The following NLGN4Y variants were observed in gnomAD, a reference collection of about 807,000 sequenced individuals.
NLGN4Y encodes the protein neuroligin 4 Y-linked.
Under a neutral mutation model 8.4 loss-of-function variants are expected in NLGN4Y, and 4 were observed. The ratio of observed to expected loss-of-function variants is 0.48; its 90% CI spans 0.23 to 1.09. The LOEUF (loss-of-function observed/expected upper bound fraction) is 1.09. Ranked by LOEUF, NLGN4Y falls within the 50% of genes least tolerant of loss-of-function variation. NLGN4Y has a pLI of 0.19. For synonymous variants in NLGN4Y, 35 were observed against 75.6 expected, an observed-to-expected ratio of 0.46 and a Z score of 2.78; for missense variants, 90 against 192.3, an observed-to-expected ratio of 0.47 and a Z score of 3.15.
chrY:14,722,163 T>C, intron 3 of NLGN4Y, among the ~76,000 whole-genome samples: 1 of 33,407 alleles, frequency 3.0e-5, no homozygotes, highest in Non-Finnish European at 7.4e-5. Flanking sequence ...CTATAATCAC[T>C]GGAACAAAGA....
intron 4 of NLGN4Y, among the ~76,000 whole-genome samples, chrY:14,809,483 AAAAAC>A: frequency 3.0e-5 from 1 of 33,552 alleles, no homozygotes; most frequent in African/African-American, 1.2e-4. Flanking sequence ...ACAAAAAACA[AAAAAC>A]AAAACAAAAC....
intron 4 of NLGN4Y, among the ~76,000 whole-genome samples, chrY:14,808,712 A>G (rs759624777): frequency 2.9e-5 from 1 of 34,095 alleles, no homozygotes; most frequent in African/African-American, 1.1e-4. Context: ...TTCAGGTCAC[A>G]CTGACCTTTC....
intron 1 of NLGN4Y, among the ~76,000 whole-genome samples, chrY:14,586,670 A>T: frequency 3.1e-5 from 1 of 31,972 alleles, no homozygotes; most frequent in African/African-American, 1.2e-4. Context: ...TCTACTAAAA[A>T]CACAAAAATT....
At chrY:14,706,789 TA>T (rs2080879613) in intron 2 of NLGN4Y, among the ~76,000 whole-genome samples, 26 of 17,419 alleles carry the variant, frequency 1.5e-3, no homozygotes, top group Middle Eastern at 0.04. Context: ...TAATCTCATT[TA>T]AAAAAAAATA....
intron 2 of NLGN4Y, among the ~76,000 whole-genome samples, chrY:14,637,307 A>G (rs2080568062): frequency 3.0e-5 from 1 of 33,651 alleles, no homozygotes; most frequent in Non-Finnish European, 7.3e-5. Context: ...TTTGAATGTT[A>G]CCTTCCTCTT....
intron 1 of NLGN4Y, among the ~76,000 whole-genome samples, chrY:14,602,997 TG>T (rs2080433423): frequency 6.0e-5 from 2 of 33,506 alleles, no homozygotes; most frequent in South Asian, 1.3e-3. Flanking sequence ...CATGTTTACC[TG>T]TGTAACAAAC....
chrY:14,723,105 C>CT lies in NLGN4Y; in HGVS notation c.533-5dup, dbSNP rs778841513. ...TTCTTTACTGCGTTTCCTTACTTGG[C>CT]TTTTTTTCCAGATATTCATGAACAG... On this transcript the variant is annotated splice_polypyrimidine_tract_variant and intron_variant, in intron 3 of 6. Transcript: ENST00000684976. 36 of 394,713 alleles carry CT rather than the reference C, an allele frequency of 9.1e-5. No homozygotes were observed. Among genetic ancestry groups the CT allele is most frequent in the Non-Finnish European group, 1.2e-4 (35 of 281,237 alleles).
rs2081133879 is a variant in NLGN4Y at position 14,778,075 on chromosome Y, ATAAC to A, written c.686-46110_686-46107del. ...AATAAATAAATAAATAAATAAATAA[ATAAC>A]TATGTATGTTCTTTCCAGCTTTTCA... On this transcript the variant is annotated intron_variant, in intron 4 of 6. Transcript: ENST00000684976. 1.3e-4 allele frequency among the ~76,000 whole-genome samples: 4 copies of A among 30,893 alleles called. No homozygotes were observed. The South Asian group carries it at 2.2e-3, about 17-fold the overall frequency. The allele number at this position is 30,893 out of a possible 37,273, so 82.9% of individuals were successfully genotyped here.
chrY:14,701,036 C>G, intron 2 of NLGN4Y, among the ~76,000 whole-genome samples: 1 of 32,890 alleles, frequency 3.0e-5, no homozygotes, highest in African/African-American at 1.2e-4. Flanking sequence ...TTCTCTTCTT[C>G]AGGCTCTTAA....
intron 4 of NLGN4Y, among the ~76,000 whole-genome samples, chrY:14,726,724 C>T (rs964918128): frequency 8.9e-5 from 3 of 33,655 alleles, no homozygotes; most frequent in Non-Finnish European, 1.5e-4. Context: ...TGGAAACTTT[C>T]CTTTTGTTCT....
At chrY:14,534,324 A>G (rs2080123908) in intron 1 of NLGN4Y, among the ~76,000 whole-genome samples, 1 of 33,570 alleles carries the variant, frequency 3.0e-5, no homozygotes, top group Admixed American at 2.7e-4. Flanking sequence ...CCCTGGTCCA[A>G]TATTTCTGGA....
At chrY:14,749,836 G>A in intron 4 of NLGN4Y, among the ~76,000 whole-genome samples, 2 of 33,833 alleles carry the variant, frequency 5.9e-5, no homozygotes, top group African/African-American at 2.3e-4. Context: ...TTATAATGTG[G>A]TTTCCATAGA....
intron 1 of NLGN4Y, among the ~76,000 whole-genome samples, chrY:14,537,852 C>T: frequency 6.1e-5 from 2 of 33,019 alleles, no homozygotes; most frequent in African/African-American, 2.4e-4. Flanking sequence ...GACTTGCTTG[C>T]ACCTGGGAGG....
intron 2 of NLGN4Y, among the ~76,000 whole-genome samples, chrY:14,634,596 A>G: frequency 3.0e-5 from 1 of 33,511 alleles, no homozygotes. Context: ...CTAAAAAAGA[A>G]ATAAAGGAAA....
intron 4 of NLGN4Y, among the ~76,000 whole-genome samples, chrY:14,767,598 C>T: frequency 1.5e-4 from 5 of 33,123 alleles, no homozygotes; most frequent in Admixed American, 5.5e-4. Context: ...TGGTTCCTTA[C>T]CCCTACCTAA....
rs200308645 is a variant in NLGN4Y at position 14,528,421 on chromosome Y, G to T, written c.-112+3713G>T. 1.9e-3 allele frequency among the ~76,000 whole-genome samples: 63 copies of T among 32,438 alleles called. No individual in the cohort carries two copies. In the East Asian group the frequency reaches 0.05, roughly 26 times the overall value. 87.0% of individuals were successfully genotyped at this position (32,438 alleles called of 37,273 possible). A position where few individuals can be genotyped will look rare whatever the true frequency, so the allele number is the denominator to read the frequency against. ...CTCGCAGTTCAGCATGGCTGGAGAG[G>T]CCTCAAGAAACTTACAATTATGGGA... On this transcript the variant is annotated intron_variant, in intron 1 of 6. Transcript: ENST00000684976.
chrY:14,642,975 G>A (rs2150516332), intron 2 of NLGN4Y, among the ~76,000 whole-genome samples: 1 of 33,484 alleles, frequency 3.0e-5, no homozygotes, highest in Non-Finnish European at 7.4e-5. Flanking sequence ...TTCTTCTTTT[G>A]GCTTTCTCAG....
At chrY:14,682,919 A>G (rs774505794) in intron 2 of NLGN4Y, among the ~76,000 whole-genome samples, 4 of 32,888 alleles carry the variant, frequency 1.2e-4, no homozygotes, top group African/African-American at 4.7e-4. Flanking sequence ...GAATTGCTTG[A>G]CCCTGAGAGA....
At chrY:14,666,246 A>AT (rs2080690998) in intron 2 of NLGN4Y, among the ~76,000 whole-genome samples, 1 of 31,508 alleles carries the variant, frequency 3.2e-5, no homozygotes, top group Non-Finnish European at 7.7e-5. Flanking sequence ...TTATTGTTTT[A>AT]TTTTTTGTAG....
Sources: allele counts gnomAD v4.1 joint callset (sites outside exome capture counted in the v4.1 genomes callset), GRCh38; gene constraint gnomAD v4.1.1; transcripts MANE v1.5; gene names NCBI Gene and HGNC (gene_info 2026-07-23, HGNC 2026-07-21).